The following RASSF3 variants were observed in gnomAD, a reference collection of about 807,000 sequenced individuals.
RASSF3 encodes Ras association domain family member 3, also known as ras association domain-containing protein 3.
RASSF3 carries 19 observed loss-of-function variants against 19.9 expected under a neutral mutation model. The ratio of observed to expected loss-of-function variants is 0.96; its 90% CI spans 0.67 to 1.40. RASSF3 has a LOEUF of 1.40. Ranked by LOEUF, RASSF3 falls within the 40% of genes most tolerant of loss-of-function variation. The pLI, the probability that RASSF3 is intolerant of heterozygous loss-of-function variation, is 0.00. For synonymous variants in RASSF3, 110 were observed against 104.2 expected, an observed-to-expected ratio of 1.06 and a Z score of -0.34; for missense variants, 306 against 289.8, an observed-to-expected ratio of 1.06 and a Z score of -0.41.
chr12:64,619,847 G>A (rs1399766718), intron 1 of RASSF3, among the ~76,000 whole-genome samples: 2 of 152,004 alleles, frequency 1.3e-5, no homozygotes, highest in Non-Finnish European at 2.9e-5. Flanking sequence ...AGGCATGGTG[G>A]TGCATGCCTG....
intron 2 of RASSF3, among the ~76,000 whole-genome samples, chr12:64,551,590 T>C (rs1042453516): frequency 2.0e-5 from 3 of 152,156 alleles, no homozygotes; most frequent in African/African-American, 7.2e-5. Flanking sequence ...ATAATATGCA[T>C]GTAGTAAATG....
At chr12:64,607,189 T>G (rs995908179), upstream of RASSF3, among the ~76,000 whole-genome samples, 2 of 149,434 alleles carry the variant, frequency 1.3e-5, no homozygotes, top group African/African-American at 4.9e-5. Flanking sequence ...GAGGCTGAGG[T>G]GGGAGGATTG....
At chr12:64,668,571 C>T (rs2136204391) in intron 1 of RASSF3, among the ~76,000 whole-genome samples, 1 of 152,168 alleles carries the variant, frequency 6.6e-6, no homozygotes, top group Admixed American at 6.5e-5. Context: ...CCATGTCCAG[C>T]CTCGTTGTTC....
chr12:64,608,559 C>T (rs922704841), upstream of RASSF3, among the ~76,000 whole-genome samples: 1 of 152,180 alleles, frequency 6.6e-6, no homozygotes, highest in Non-Finnish European at 1.5e-5. Flanking sequence ...GTGATCCACC[C>T]GCCTCTGCCT....
At chr12:64,666,956 G>A (rs535273287) in intron 1 of RASSF3, among the ~76,000 whole-genome samples, 92 of 152,328 alleles carry the variant, frequency 6.0e-4, no homozygotes, top group African/African-American at 2.0e-3. Flanking sequence ...GGACAGAAAA[G>A]CAAGAAAGTG....
intron 1 of RASSF3, among the ~76,000 whole-genome samples, chr12:64,647,349 A>G (rs1293239372): frequency 6.6e-6 from 1 of 151,702 alleles, no homozygotes; most frequent in African/African-American, 2.4e-5. Flanking sequence ...CCCAGGCTCA[A>G]GTGATCTTCC....
At chr12:64,540,270 T>C (rs1217370923) in intron 1 of RASSF3, among the ~76,000 whole-genome samples, 1 of 152,234 alleles carries the variant, frequency 6.6e-6, no homozygotes, top group Non-Finnish European at 1.5e-5. Flanking sequence ...ATTACCAGAC[T>C]CTTGATGAGA....
intron 2 of RASSF3, among the ~76,000 whole-genome samples, chr12:64,547,547 C>A (rs1454647766): frequency 1.3e-5 from 2 of 151,504 alleles, no homozygotes; most frequent in African/African-American, 4.9e-5. Context: ...AGCCTGGCAA[C>A]AGAGTGAGAC....
chr12:64,690,205 G>A (rs556761413), intron 3 of RASSF3, among the ~76,000 whole-genome samples: 64 of 151,588 alleles, frequency 4.2e-4, no homozygotes, highest in African/African-American at 1.5e-3. Flanking sequence ...TGTTTGAGAC[G>A]GAGTCTTGCT....
intron 1 of RASSF3, among the ~76,000 whole-genome samples, chr12:64,523,209 C>A (rs1224720671): frequency 6.6e-6 from 1 of 152,094 alleles, no homozygotes; most frequent in African/African-American, 2.4e-5. Flanking sequence ...AGTTCAAGAC[C>A]AGCCTGGCCA....
chr12:64,529,223 A>G (rs1292158044), upstream of RASSF3, among the ~76,000 whole-genome samples: 10 of 152,240 alleles, frequency 6.6e-5, no homozygotes, highest in Non-Finnish European at 2.9e-5. Flanking sequence ...TATCTTTAAT[A>G]TAAATGCAAT....
downstream of RASSF3, among the ~76,000 whole-genome samples, chr12:64,544,342 C>T (rs978900543): frequency 7.2e-5 from 11 of 152,116 alleles, no homozygotes; most frequent in Non-Finnish European, 1.5e-4. Flanking sequence ...ACGAACCAAC[C>T]AGAAGGAACA....
intron 3 of RASSF3, among the ~76,000 whole-genome samples, chr12:64,689,432 A>T (rs1343762368): frequency 6.6e-6 from 1 of 152,152 alleles, no homozygotes; most frequent in Non-Finnish European, 1.5e-5. Flanking sequence ...GTGGAATACA[A>T]AGATGAACAG....
downstream of RASSF3, among the ~76,000 whole-genome samples, chr12:64,543,421 G>GCCCGCCTGCCCCCCC (rs1565836074): frequency 1.8e-5 from 1 of 55,880 alleles, no homozygotes; most frequent in Non-Finnish European, 3.6e-5. Flanking sequence ...CCCGCCCCCC[G>GCCCGCCTGCCCCCCC]GCTCCCCGCC....
intron 1 of RASSF3, among the ~76,000 whole-genome samples, chr12:64,637,316 C>G (rs1355778632): frequency 6.6e-6 from 1 of 151,852 alleles, no homozygotes; most frequent in African/African-American, 2.4e-5. Flanking sequence ...GTAGAAAAAG[C>G]ATTGGTGTGT....
intron 1 of RASSF3, among the ~76,000 whole-genome samples, chr12:64,640,178 C>T (rs1249336498): frequency 6.6e-6 from 1 of 152,022 alleles, no homozygotes; most frequent in African/African-American, 2.4e-5. Context: ...AATTGATATA[C>T]CAGAAACCTG....
intron 1 of RASSF3, among the ~76,000 whole-genome samples, chr12:64,537,457 C>T (rs1868852429): frequency 6.6e-6 from 1 of 152,282 alleles, no homozygotes; most frequent in East Asian, 1.9e-4. Context: ...ACAAACTGTG[C>T]TCTTTCCAAA....
chr12:64,527,741 C>A (rs1198956443), intron 1 of RASSF3, among the ~76,000 whole-genome samples: 2 of 150,746 alleles, frequency 1.3e-5, no homozygotes, highest in Non-Finnish European at 3.0e-5. Flanking sequence ...TTGAGACCAG[C>A]CTGGCCAACA....
At chr12:64,535,076 T>G (rs1868794165) in intron 1 of RASSF3, among the ~76,000 whole-genome samples, 1 of 131,124 alleles carries the variant, frequency 7.6e-6, no homozygotes, top group African/African-American at 2.6e-5. Flanking sequence ...TTCAGAGACG[T>G]TTATATGAAA....
Sources: allele counts gnomAD v4.1 joint callset (sites outside exome capture counted in the v4.1 genomes callset), GRCh38; gene constraint gnomAD v4.1.1; transcripts MANE v1.5; gene names NCBI Gene and HGNC (gene_info 2026-07-23, HGNC 2026-07-21).